CLEC4A: variants seen among roughly 807,000 people sequenced by gnomAD.
CLEC4A encodes the protein C-type (calcium dependent, carbohydrate-recognition domain) lectin, superfamily member 6.
In CLEC4A, 27 loss-of-function variants were observed where a neutral mutation model predicts 32.7. The observed-to-expected ratio is 0.83, with a 90% CI of 0.61 to 1.14. The LOEUF is 1.14. Among genes scored for constraint, CLEC4A ranks in the 50% most tolerant of loss-of-function variants. CLEC4A has a pLI of 0.00. For missense variants in CLEC4A, 253 were observed against 274.6 expected, an observed-to-expected ratio of 0.92 and a Z score of 0.55; for synonymous variants, 89 against 93.7, an observed-to-expected ratio of 0.95 and a Z score of 0.29.
intron 3 of CLEC4A, among the ~76,000 whole-genome samples, chr12:8,129,928 C>T (rs985844370): frequency 1.3e-5 from 2 of 152,164 alleles, no homozygotes; most frequent in Admixed American, 6.5e-5. Context: ...CTCGACCTCC[C>T]GGGCTCAAGT....
In CLEC4A at chr12:8,133,761, G is replaced by A. The variant is rs369213036; in HGVS notation, c.299-1824G>A. ...TCCCCCTGTCCCCCATTCCTAGAAG[G>A]GCAGGCACCTCAGTTTGAATGCATG... On this transcript the variant is annotated intron_variant, in intron 3 of 5. Coordinates refer to ENST00000229332, the MANE Select transcript of CLEC4A (RefSeq NM_016184.4). The A allele has an allele frequency of 2.1e-4, 330 of 1,587,176 alleles. 5 individuals carry two copies. The South Asian group carries it at 3.3e-3, about 16-fold the overall frequency.
At chr12:8,121,547 T>G (rs1447177577), upstream of CLEC4A, 3 of 152,524 alleles carry the variant, frequency 2.0e-5, no homozygotes, top group African/African-American at 7.2e-5. Context: ...TGCAGGGTAT[T>G]GGCTTGACAG....
the CLEC4A span, among the ~76,000 whole-genome samples, chr12:8,113,658 T>C: frequency 6.6e-6 from 1 of 152,196 alleles, no homozygotes; most frequent in Non-Finnish European, 1.5e-5. Context: ...AGCAATCTGC[T>C]CACCTTTCAG....
At chr12:8,130,096 G>A (rs1417210742) in intron 3 of CLEC4A, among the ~76,000 whole-genome samples, 2 of 152,128 alleles carry the variant, frequency 1.3e-5, no homozygotes, top group Non-Finnish European at 2.9e-5. Flanking sequence ...TCAGCTTCTT[G>A]AAGGGCTGGG....
At chr12:8,108,334 T>C in the CLEC4A span, among the ~76,000 whole-genome samples, 1 of 152,200 alleles carries the variant, frequency 6.6e-6, no homozygotes, top group Non-Finnish European at 1.5e-5. Context: ...TGTAGTAGAG[T>C]TGCTGATACA....
At position 8,136,877 on chromosome 12, in the gene CLEC4A, T is replaced by TC. The variant is rs774208929; in HGVS notation, c.541dup (p.Gln181ProfsTer6). 1.2e-6 allele frequency: 2 copies of TC among 1,612,760 alleles called. No homozygotes were observed. Among genetic ancestry groups the TC allele is most frequent in the Admixed American group, 1.7e-5 (1 of 60,002 alleles). ...GTCAGCGACATTGGCAATGGGTTGA[T>TC]CAGACACCATACAATGAAAGTTCCA... On this transcript the variant is annotated frameshift_variant, in exon 5 of 6. Coordinates refer to ENST00000229332, the MANE Select transcript of CLEC4A (RefSeq NM_016184.4). LOFTEE classifies it high-confidence loss of function.
At chr12:8,132,915 T>G (rs6486815) in intron 3 of CLEC4A, among the ~76,000 whole-genome samples, 119,432 of 151,798 alleles carry the variant, frequency 0.79, 49,738 homozygotes, top group East Asian at 0.94. Flanking sequence ...TTTTTGTTTT[T>G]TTTTTGTTTT....
At chr12:8,122,818 TTGTG>T (rs1947845655), upstream of CLEC4A, among the ~76,000 whole-genome samples, 1 of 151,578 alleles carries the variant, frequency 6.6e-6, no homozygotes, top group African/African-American at 2.4e-5. Flanking sequence ...ACGTGTGTGT[TTGTG>T]TGTGTGTGCA....
At chr12:8,108,489 A>G in the CLEC4A span, among the ~76,000 whole-genome samples, 4 of 152,228 alleles carry the variant, frequency 2.6e-5, no homozygotes, top group South Asian at 2.1e-4. Context: ...ATATGTGACT[A>G]TAGGACTAAT....
the CLEC4A span, among the ~76,000 whole-genome samples, chr12:8,105,304 G>T: frequency 6.6e-6 from 1 of 150,816 alleles, no homozygotes; most frequent in African/African-American, 2.4e-5. Context: ...TTGTGGTTTT[G>T]ATTTGTGTTT....
At position 8,129,326 on chromosome 12, in the gene CLEC4A, A is replaced by G. The variant is rs1947954468; in HGVS notation, c.262A>G (p.Thr88Ala). 1 of 1,609,458 alleles carries G rather than the reference A, an allele frequency of 6.2e-7. No homozygotes were observed. Among genetic ancestry groups the G allele is most frequent in the African/African-American group, 1.3e-5 (1 of 74,630 alleles). Residue 88 changes from threonine to alanine, a missense_variant, in exon 3 of 6, where the codon ACA becomes GCA. By Grantham distance (58) the Thr-to-Ala change is moderately conservative. Coordinates refer to ENST00000229332, the MANE Select transcript of CLEC4A (RefSeq NM_016184.4). ...KKTTKELVHTTLECVKKNMPV... is the reference protein window; with the variant it reads ...KKTTKELVHTALECVKKNMPV... The stretch of plus-strand genomic sequence containing the variant: ...GACTACAAAAGAGCTGGTTCATACA[A>G]CATTGGAGTGTGTGAAAAAAAATAT...
At chr12:8,130,668 C>T (rs1007743241) in intron 3 of CLEC4A, among the ~76,000 whole-genome samples, 1 of 152,174 alleles carries the variant, frequency 6.6e-6, no homozygotes, top group African/African-American at 2.4e-5. Context: ...GAGTGAGCTA[C>T]CATGCCCGGC....
rs1227082000 is a variant in CLEC4A, at chr12:8,134,926, C to G, written c.299-659C>G. ...TCTTCTAGTTCTTTGCTGAAACTTT[C>G]TAGTTTTTCATTTGTTTCAAGCATG... On this transcript the variant is annotated intron_variant, in intron 3 of 5. Transcript: ENST00000229332. 4 of 1,158,518 alleles carry G rather than the reference C, an allele frequency of 3.5e-6. No homozygotes were observed. The African/African-American group carries it at 8.9e-5, about 26-fold the overall frequency. The allele number at this position is 1,158,518 out of a possible 1,614,324, so 71.8% of individuals were successfully genotyped here. A position where few individuals can be genotyped will look rare whatever the true frequency, so the allele number is the denominator to read the frequency against.
the CLEC4A span, among the ~76,000 whole-genome samples, chr12:8,103,927 T>A: frequency 1.6e-4 from 24 of 152,330 alleles, no homozygotes; most frequent in Non-Finnish European, 2.8e-4. Flanking sequence ...TGTTTTAAGC[T>A]CTTTGAATAT....
chr12:8,119,888 T>A (rs1301246191), upstream of CLEC4A, among the ~76,000 whole-genome samples: 1 of 152,042 alleles, frequency 6.6e-6, no homozygotes, highest in Non-Finnish European at 1.5e-5. Context: ...AAATTTGGGG[T>A]TTCCCATGAT....
the CLEC4A span, among the ~76,000 whole-genome samples, chr12:8,105,010 T>C: frequency 6.6e-6 from 1 of 152,240 alleles, no homozygotes; most frequent in Admixed American, 6.5e-5. Context: ...ACGACTTTGC[T>C]ATTGTGAATA....
chr12:8,105,200 G>T, the CLEC4A span, among the ~76,000 whole-genome samples: 661 of 152,234 alleles, frequency 4.3e-3, 4 homozygotes, highest in African/African-American at 0.015. Flanking sequence ...CACCAGCAGT[G>T]TATAAGTGTT....
Position 8,138,460 on chromosome 12 carries a change from G to A in CLEC4A, c.*173G>A. ...ATTGACTGATTCACTTTTTCATAAA[G>A]TGAGCATTTATTGAGCATTTTTTCA... On this transcript the variant is annotated 3_prime_UTR_variant, in exon 6 of 6. Coordinates refer to ENST00000229332, the MANE Select transcript of CLEC4A (RefSeq NM_016184.4). The A allele has an allele frequency of 2.6e-6, 2 of 776,030 alleles. No individual in the cohort carries two copies. Among genetic ancestry groups the A allele is most frequent in the Non-Finnish European group, 4.0e-6 (2 of 501,590 alleles). 48.1% of individuals were successfully genotyped at this position (776,030 alleles called of 1,614,324 possible).
chr12:8,130,676 G>A (rs904155573), intron 3 of CLEC4A, among the ~76,000 whole-genome samples: 10 of 152,078 alleles, frequency 6.6e-5, no homozygotes, highest in African/African-American at 2.4e-4. Context: ...TACCATGCCC[G>A]GCCAATAGGT....
Sources: gnomAD v4.1 joint callset for allele counts (sites outside exome capture counted in the v4.1 genomes callset) on GRCh38, gnomAD v4.1.1 for gene constraint, MANE v1.5 for transcripts, NCBI Gene and HGNC (gene_info 2026-07-23, HGNC 2026-07-21) for gene names.